Variants in SHTN1 observed in about 807,000 individuals in gnomAD.
The protein encoded by SHTN1 is shootin-1.
Under a neutral mutation model 83.1 loss-of-function variants are expected in SHTN1, and 42 were observed. That is an observed-to-expected ratio of 0.51 (90% CI 0.39 to 0.65). SHTN1 has a LOEUF of 0.65. Ranked by LOEUF, SHTN1 falls within the 30% of genes least tolerant of loss-of-function variation. The probability of loss-of-function intolerance (pLI) is 0.00; values close to 1 mark genes in which losing one functional copy is unlikely to be tolerated. For missense variants in SHTN1, 622 were observed against 737.8 expected, an observed-to-expected ratio of 0.84 and a Z score of 1.82; for synonymous variants, 224 against 247.7, an observed-to-expected ratio of 0.90 and a Z score of 0.90.
intron 7 of SHTN1, among the ~76,000 whole-genome samples, chr10:116,945,848 A>G (rs1461762520): frequency 6.6e-6 from 1 of 152,194 alleles, no homozygotes; most frequent in Non-Finnish European, 1.5e-5. Context: ...ATAGGATACT[A>G]CTTAAAATAA....
chr10:116,966,980 G>T (rs1295000814), intron 3 of SHTN1, among the ~76,000 whole-genome samples: 2 of 152,206 alleles, frequency 1.3e-5, no homozygotes, highest in Non-Finnish European at 2.9e-5. Flanking sequence ...CCCCTTGGAT[G>T]TTCTCTGTTA....
chr10:117,005,200 G>T, upstream of SHTN1: 2 of 1,523,956 alleles, frequency 1.3e-6, no homozygotes, highest in Non-Finnish European at 8.8e-7. Flanking sequence ...AGTTGGATCC[G>T]CTCCCGCTCC....
At chr10:116,921,174 G>A (rs1330872224) in intron 12 of SHTN1, among the ~76,000 whole-genome samples, 1 of 151,934 alleles carries the variant, frequency 6.6e-6, no homozygotes, top group Non-Finnish European at 1.5e-5. Flanking sequence ...TCTCTTTCCT[G>A]TACACTCCAA....
At chr10:116,945,117 C>A in intron 7 of SHTN1, 99 bp from the exon 8 acceptor site, 1 of 755,420 alleles carries the variant, frequency 1.3e-6, no homozygotes, top group South Asian at 1.6e-5. Flanking sequence ...TTCATACCAG[C>A]ATACAGGTAC....
intron 1 of SHTN1, among the ~76,000 whole-genome samples, chr10:117,071,901 C>T (rs928470223): frequency 1.3e-5 from 2 of 152,046 alleles, no homozygotes; most frequent in African/African-American, 2.4e-5. Flanking sequence ...CTGATAATAC[C>T]GAAATTCAAA....
In SHTN1 at chr10:116,987,911, C is replaced by CA. The variant is rs372849349; in HGVS notation, c.59-8604dup. 8.1e-3 allele frequency among the ~76,000 whole-genome samples: 794 copies of CA among 98,408 alleles called. 12 individuals carry two copies. The highest frequency in any genetic ancestry group is 0.05 in the East Asian group (182 of 3,616). 64.6% of individuals were successfully genotyped at this position (98,408 alleles called of 152,430 possible). On this transcript the variant is annotated intron_variant, in intron 1 of 16. Transcript: ENST00000355371. ...ATCTGGTAACAGCGAGACTCCGTCTCAAAAAAACAAACAAACAAAAAAAAA... is the reference window on the plus strand; with the variant it reads ...ATCTGGTAACAGCGAGACTCCGTCTCAAAAAAAACAAACAAACAAAAAAAAA...
chr10:117,021,946 CAGTT>C (rs1852268670), intron 2 of SHTN1, among the ~76,000 whole-genome samples: 3 of 152,142 alleles, frequency 2.0e-5, no homozygotes, highest in Non-Finnish European at 4.4e-5. Context: ...CATCTATAAT[CAGTT>C]AAAGTAAAGC....
chr10:117,085,913 G>A (rs1589926461), intron 1 of SHTN1, among the ~76,000 whole-genome samples: 1 of 130,704 alleles, frequency 7.7e-6, no homozygotes, highest in South Asian at 2.4e-4. Flanking sequence ...AGTCTGCTTT[G>A]TCTGATTTTT....
intron 1 of SHTN1, among the ~76,000 whole-genome samples, chr10:117,080,714 T>A (rs1853247399): frequency 1.1e-4 from 3 of 27,402 alleles, no homozygotes; most frequent in African/African-American, 3.9e-4. Context: ...TTTATTTCCT[T>A]GAGCAGTGGT....
At chr10:117,125,231 G>A (rs1211204892) in intron 1 of SHTN1, among the ~76,000 whole-genome samples, 2 of 152,272 alleles carry the variant, frequency 1.3e-5, no homozygotes, top group East Asian at 3.9e-4. Flanking sequence ...CTTAGCACTA[G>A]AGTTGAACTT....
At chr10:117,113,928 T>G (rs7917897) in intron 1 of SHTN1, among the ~76,000 whole-genome samples, 100,510 of 152,090 alleles carry the variant, frequency 0.66, 36,662 homozygotes, top group Middle Eastern at 0.84. Context: ...ACGCCTATAA[T>G]CCCAGCTGCT....
intron 12 of SHTN1, among the ~76,000 whole-genome samples, chr10:116,916,864 C>T (rs1247059514): frequency 1.3e-5 from 2 of 152,204 alleles, no homozygotes; most frequent in African/African-American, 4.8e-5. Flanking sequence ...AATTGTCAAC[C>T]TCAGAAGCCA....
rs1464515322 is a variant in SHTN1 at position 117,005,038 on chromosome 10, G to A, written c.42C>T (p.Thr14=). Residue 14 remains threonine (T), a synonymous_variant, in exon 1 of 17, where the codon ACC becomes ACT. Coordinates refer to ENST00000355371, the MANE Select transcript of SHTN1 (RefSeq NM_001127211.3). The stretch of plus-strand genomic sequence containing the variant: ...GCTGCCTACCTTGCTCCTTCAGACT[G>A]GTAATGAGCTGCAGCTGCTTCTCTT... ...SDEEKQLQLI[T]SLKEQAIGEY... 3 of 1,598,222 alleles carry A rather than the reference G, an allele frequency of 1.9e-6. No homozygotes were observed. The highest frequency in any genetic ancestry group is 2.6e-6 in the Non-Finnish European group (3 of 1,172,950).
chr10:116,947,656 A>C (rs1443985061), intron 7 of SHTN1, among the ~76,000 whole-genome samples: 1 of 152,208 alleles, frequency 6.6e-6, no homozygotes, highest in Non-Finnish European at 1.5e-5. Flanking sequence ...TGTCCAGAAC[A>C]CTATAATAAA....
chr10:116,949,647 TA>T (rs1323646657), intron 6 of SHTN1, among the ~76,000 whole-genome samples: 1 of 152,184 alleles, frequency 6.6e-6, no homozygotes, highest in African/African-American at 2.4e-5. Flanking sequence ...ACATGTGCCC[TA>T]GAACTTAAAG....
intron 2 of SHTN1, among the ~76,000 whole-genome samples, chr10:117,013,378 T>G (rs1347312615): frequency 1.3e-5 from 2 of 152,150 alleles, no homozygotes; most frequent in African/African-American, 2.4e-5. Context: ...TTCACTATGT[T>G]GGCCAGGCTG....
At chr10:116,994,761 T>C (rs1330311610) in intron 1 of SHTN1, among the ~76,000 whole-genome samples, 1 of 152,162 alleles carries the variant, frequency 6.6e-6, no homozygotes, top group Admixed American at 6.5e-5. Context: ...TTGTTTTGAA[T>C]CTTTTTTACA....
chr10:116,991,323 T>C (rs1301910083), intron 1 of SHTN1, among the ~76,000 whole-genome samples: 1 of 152,248 alleles, frequency 6.6e-6, no homozygotes, highest in African/African-American at 2.4e-5. Context: ...TGTGTTGCCA[T>C]AAATGAATAC....
At chr10:116,965,069 T>G (rs1329303854) in intron 3 of SHTN1, among the ~76,000 whole-genome samples, 1 of 152,180 alleles carries the variant, frequency 6.6e-6, no homozygotes, top group Non-Finnish European at 1.5e-5. Flanking sequence ...GTGGTGTTCT[T>G]TGTGTGTAGG....
Sources: gnomAD v4.1 joint callset for allele counts (sites outside exome capture counted in the v4.1 genomes callset) on GRCh38, gnomAD v4.1.1 for gene constraint, MANE v1.5 for transcripts, NCBI Gene and HGNC (gene_info 2026-07-23, HGNC 2026-07-21) for gene names.